Variants in JCAD observed in about 807,000 individuals in gnomAD.
The protein encoded by JCAD is junctional cadherin 5 associated.
A neutral mutation model predicts 98.0 loss-of-function variants in JCAD; 40 were observed. The observed-to-expected ratio is 0.41, with a 90% CI of 0.32 to 0.53. The LOEUF is 0.53. Ranked by LOEUF, JCAD falls within the 20% of genes least tolerant of loss-of-function variation. JCAD has a pLI of 0.31. For missense variants in JCAD, 1,705 were observed against 1,738.1 expected, an observed-to-expected ratio of 0.98 and a Z score of 0.34; for synonymous variants, 691 against 682.3, an observed-to-expected ratio of 1.01 and a Z score of -0.20.
At chr10:30,115,078 T>C (rs1334479158) in intron 1 of JCAD, among the ~76,000 whole-genome samples, 1 of 152,156 alleles carries the variant, frequency 6.6e-6, no homozygotes, top group African/African-American at 2.4e-5. Context: ...CAACCGACTG[T>C]TTTCTACCTT....
chr10:30,025,592 A>G (rs12761616), intron 3 of JCAD, among the ~76,000 whole-genome samples: 8,202 of 127,980 alleles, frequency 0.064, 435 homozygotes, highest in African/African-American at 0.12. Context: ...GCTTAGACTA[A>G]ATGACAGAAG....
chr10:30,058,977 CG>C (rs1837643627), intron 1 of JCAD, among the ~76,000 whole-genome samples: 1 of 152,076 alleles, frequency 6.6e-6, no homozygotes, highest in African/African-American at 2.4e-5. Flanking sequence ...GCCGGGGCAG[CG>C]TGGGAACTGG....
chr10:30,034,095 C>T (rs1364460561), intron 2 of JCAD, among the ~76,000 whole-genome samples: 1 of 151,514 alleles, frequency 6.6e-6, no homozygotes, highest in Non-Finnish European at 1.5e-5. Context: ...TGGTGGCGGG[C>T]ATCTGTAATC....
In JCAD at chr10:30,014,438, A is replaced by T. The variant is rs1243693057; in HGVS notation, c.*3445T>A. On this transcript the variant is annotated 3_prime_UTR_variant, in exon 4 of 4. Transcript: ENST00000375377. ...TAAGCTCAAATATGGATAGAAAGAC[A>T]ATTCTGCTGCACTGGTCACTTTGCA... 1 of 152,196 alleles carries T rather than the reference A, an allele frequency of 6.6e-6. No homozygotes were observed. Among genetic ancestry groups the T allele is most frequent in the Non-Finnish European group, 1.5e-5 (1 of 68,040 alleles). The allele number at this position is 152,196 out of a possible 1,614,324, so 9.4% of individuals were successfully genotyped here.
intron 1 of JCAD, among the ~76,000 whole-genome samples, chr10:30,108,329 G>C (rs1420191410): frequency 6.6e-6 from 1 of 151,196 alleles, no homozygotes; most frequent in African/African-American, 2.4e-5. Context: ...AAAAAAAAGA[G>C]TGATGGCGTT....
chr10:30,041,398 A>G (rs1462874171), intron 2 of JCAD, among the ~76,000 whole-genome samples: 2 of 152,242 alleles, frequency 1.3e-5, no homozygotes, highest in African/African-American at 4.8e-5. Context: ...AGTTTGTAAA[A>G]GAAAGAGGAA....
At chr10:30,042,065 T>C (rs538973033) in intron 2 of JCAD, among the ~76,000 whole-genome samples, 3 of 152,288 alleles carry the variant, frequency 2.0e-5, no homozygotes, top group East Asian at 3.9e-4. Flanking sequence ...GTGCCTTTCA[T>C]GCAAAGCCCA....
At chr10:30,052,030 A>G (rs996035509) in intron 1 of JCAD, among the ~76,000 whole-genome samples, 1 of 152,208 alleles carries the variant, frequency 6.6e-6, no homozygotes, top group Admixed American at 6.5e-5. Flanking sequence ...CTTCCAAAGA[A>G]CCTGAATAAG....
intron 1 of JCAD, among the ~76,000 whole-genome samples, chr10:30,078,797 C>T (rs2132679795): frequency 6.6e-6 from 1 of 152,258 alleles, no homozygotes; most frequent in East Asian, 1.9e-4. Context: ...GATGGTGACC[C>T]TGGTTCTGGG....
At chr10:30,074,426 T>C (rs1029843979) in intron 1 of JCAD, among the ~76,000 whole-genome samples, 1 of 152,190 alleles carries the variant, frequency 6.6e-6, no homozygotes, top group Non-Finnish European at 1.5e-5. Flanking sequence ...CCCAAGCTGA[T>C]AATATCCCCC....
At chr10:30,108,037 G>C (rs1027235228) in intron 1 of JCAD, among the ~76,000 whole-genome samples, 4 of 152,174 alleles carry the variant, frequency 2.6e-5, no homozygotes, top group African/African-American at 7.2e-5. Context: ...TGGTGGCCGG[G>C]TGCGGTGGCT....
chr10:30,053,559 CAAAAAAAAAA>C (rs1837510777), intron 1 of JCAD, among the ~76,000 whole-genome samples: 1 of 126,736 alleles, frequency 7.9e-6, no homozygotes, highest in South Asian at 2.8e-4. Flanking sequence ...TACTCTGTCT[CAAAAAAAAAA>C]GAAAAGAAAA....
chr10:30,081,288 C>T (rs1482613334), intron 1 of JCAD, among the ~76,000 whole-genome samples: 1 of 152,204 alleles, frequency 6.6e-6, no homozygotes, highest in Admixed American at 6.5e-5. Flanking sequence ...TCTGGAATTT[C>T]TTTGGTTACA....
At chr10:30,103,629 C>T (rs1284433662) in intron 1 of JCAD, among the ~76,000 whole-genome samples, 1 of 86,814 alleles carries the variant, frequency 1.2e-5, no homozygotes, top group Non-Finnish European at 3.0e-5. Flanking sequence ...CACACACACA[C>T]ACCCACACAC....
rs74538457 is a variant in JCAD at position 30,030,416 on chromosome 10, G to A, written c.282-550C>T. Among the ~76,000 whole-genome samples the A allele has an allele frequency of 7.5e-3, 1,140 of 152,230 alleles. 16 individuals are homozygous for A. The highest frequency in any genetic ancestry group is 0.049 in the South Asian group (234 of 4,820). On this transcript the variant is annotated intron_variant, in intron 2 of 3. Transcript: ENST00000375377. ...TGATTGCGCCACTGCACTCCGGCCC[G>A]GGCAGCGGTGAGACCCTGCCTCATA...
chr10:30,105,796 T>A (rs1215488521), intron 1 of JCAD, among the ~76,000 whole-genome samples: 1 of 152,258 alleles, frequency 6.6e-6, no homozygotes, highest in East Asian at 1.9e-4. Context: ...TTTTTTATCA[T>A]CTGCTATGAT....
chr10:30,034,585 G>A (rs568196455), intron 2 of JCAD, among the ~76,000 whole-genome samples: 160 of 152,218 alleles, frequency 1.1e-3, no homozygotes, highest in Non-Finnish European at 1.7e-3. Flanking sequence ...GAAAGCCATC[G>A]TCACTGGCCC....
chr10:30,056,216 C>T (rs186694579), intron 1 of JCAD, among the ~76,000 whole-genome samples: 2 of 152,212 alleles, frequency 1.3e-5, no homozygotes, highest in East Asian at 3.9e-4. Flanking sequence ...TGTAAAGATA[C>T]CTTAAATATT....
intron 2 of JCAD, among the ~76,000 whole-genome samples, chr10:30,042,981 A>G (rs1837272662): frequency 6.6e-6 from 1 of 152,218 alleles, no homozygotes; most frequent in African/African-American, 2.4e-5. Context: ...ATGGCCCAAC[A>G]CGTTAACATG....
Sources: gnomAD v4.1 joint callset for allele counts (sites outside exome capture counted in the v4.1 genomes callset) on GRCh38, gnomAD v4.1.1 for gene constraint, MANE v1.5 for transcripts, NCBI Gene and HGNC (gene_info 2026-07-23, HGNC 2026-07-21) for gene names.